Variants in DACH1 observed in about 807,000 individuals in gnomAD.
The protein encoded by DACH1 is dachshund homolog 1.
Under a neutral mutation model 54.2 loss-of-function variants are expected in DACH1, and 12 were observed. The observed-to-expected ratio is 0.22, with a 90% CI of 0.14 to 0.36. The LOEUF (loss-of-function observed/expected upper bound fraction) is 0.36, where lower values mean the gene tolerates loss of function less well. Among genes scored for constraint, DACH1 ranks in the 10% least tolerant of loss-of-function variants. The pLI, the probability that DACH1 is intolerant of heterozygous loss-of-function variation, is 1.00. For synonymous variants in DACH1, 386 were observed against 366.2 expected (o/e 1.05, Z -0.62); for missense variants, 805 against 929.8 (o/e 0.87, Z 1.75).
At chr13:71,482,860 G>A (rs1196583757) in intron 7 of DACH1, among the ~76,000 whole-genome samples, 1 of 147,448 alleles carries the variant, frequency 6.8e-6, no homozygotes, top group African/African-American at 2.5e-5. Context: ...CGTGCAAATG[G>A]CGCGATCTCG....
intron 1 of DACH1, among the ~76,000 whole-genome samples, chr13:71,864,180 T>TACACACACACACACACACACACACACAC (rs55651625): frequency 1.8e-5 from 2 of 108,426 alleles, no homozygotes; most frequent in African/African-American, 7.2e-5. Flanking sequence ...CGCGCGCACA[T>TACACACACACACACACACACACACACAC]ACACACACAC....
intron 4 of DACH1, among the ~76,000 whole-genome samples, chr13:71,570,586 T>G (rs1277086790): frequency 3.3e-5 from 5 of 152,200 alleles, no homozygotes; most frequent in Non-Finnish European, 7.3e-5. Context: ...TGTAACCAAG[T>G]TTCTGAAAAT....
rs368561792 is a variant in DACH1 at position 71,712,915 on chromosome 13, T to C, written c.849-31005A>G. On this transcript the variant is annotated intron_variant, in intron 1 of 10. Transcript: ENST00000613252. ...TGACTCTAGCAGTCACTGAATATGT[T>C]TGAGGATTGCCTACAAGTGATAATA... Among the ~76,000 whole-genome samples, 205 of 152,232 alleles carry C rather than the reference T, an allele frequency of 1.3e-3. 1 individual carries two copies. In the South Asian group the frequency reaches 0.016, roughly 12 times the overall value.
chr13:71,582,870 ATAC>A (rs2138438021), intron 3 of DACH1, among the ~76,000 whole-genome samples: 1 of 152,270 alleles, frequency 6.6e-6, no homozygotes, highest in African/African-American at 2.4e-5. Context: ...AATGGAAAGA[ATAC>A]TTAGGATCAG....
chr13:71,508,580 C>T (rs1250985980), intron 6 of DACH1, among the ~76,000 whole-genome samples: 2 of 152,004 alleles, frequency 1.3e-5, no homozygotes, highest in Non-Finnish European at 2.9e-5. Flanking sequence ...AGTCCTCCCA[C>T]CTCAGCCTCC....
At chr13:71,558,788 A>T (rs1884413123) in intron 5 of DACH1, among the ~76,000 whole-genome samples, 1 of 152,058 alleles carries the variant, frequency 6.6e-6, no homozygotes, top group Admixed American at 6.5e-5. Flanking sequence ...TTTATTTATA[A>T]TTATTTACAC....
At chr13:71,856,216 G>A (rs562154267) in intron 1 of DACH1, among the ~76,000 whole-genome samples, 258 of 152,028 alleles carry the variant, frequency 1.7e-3, no homozygotes, top group Middle Eastern at 3.4e-3. Context: ...CCTTTCCCAT[G>A]GGGTAACTTG....
chr13:71,730,647 A>G (rs1883700081), intron 1 of DACH1, among the ~76,000 whole-genome samples: 1 of 152,160 alleles, frequency 6.6e-6, no homozygotes, highest in African/African-American at 2.4e-5. Context: ...ATACAAACAC[A>G]CACTCTTCAT....
intron 2 of DACH1, among the ~76,000 whole-genome samples, chr13:71,661,210 T>C (rs1010219566): frequency 5.3e-5 from 8 of 151,404 alleles, no homozygotes; most frequent in South Asian, 2.1e-4. Context: ...TTTTGTTACA[T>C]TGTTTTATCT....
intron 1 of DACH1, among the ~76,000 whole-genome samples, chr13:71,743,709 A>G (rs1471893082): frequency 6.6e-6 from 1 of 152,208 alleles, no homozygotes; most frequent in Non-Finnish European, 1.5e-5. Flanking sequence ...CTTTATAAAT[A>G]TTAGTGTTTC....
intron 4 of DACH1, 140 bp downstream of exon 4, chr13:71,572,700 A>T: frequency 1.1e-6 from 1 of 887,208 alleles, no homozygotes; most frequent in Non-Finnish European, 1.6e-6. Flanking sequence ...GCCATTTGCT[A>T]CAAGTGATTT....
intron 1 of DACH1, among the ~76,000 whole-genome samples, chr13:71,792,779 T>G (rs1310426130): frequency 6.6e-6 from 1 of 152,154 alleles, no homozygotes; most frequent in Non-Finnish European, 1.5e-5. Context: ...CTAAGTTCTT[T>G]GCTCTCAGTG....
chr13:71,554,309 G>C (rs1884097861), intron 6 of DACH1, among the ~76,000 whole-genome samples: 1 of 152,032 alleles, frequency 6.6e-6, no homozygotes, highest in Non-Finnish European at 1.5e-5. Context: ...AAAATTTTGA[G>C]ATTACATATA....
At chr13:71,633,378 C>T (rs1278265986) in intron 2 of DACH1, among the ~76,000 whole-genome samples, 1 of 152,128 alleles carries the variant, frequency 6.6e-6, no homozygotes, top group Non-Finnish European at 1.5e-5. Context: ...AAGGCTTGGC[C>T]TCACTATAAT....
intron 1 of DACH1, among the ~76,000 whole-genome samples, chr13:71,713,186 C>T (rs1882809787): frequency 6.6e-6 from 1 of 151,714 alleles, no homozygotes; most frequent in Non-Finnish European, 1.5e-5. Context: ...TCCACGTTGA[C>T]CTAGCAGGGC....
At chr13:71,470,613 CA>C (rs1413112199) in intron 10 of DACH1, among the ~76,000 whole-genome samples, 1 of 152,110 alleles carries the variant, frequency 6.6e-6, no homozygotes, top group African/African-American at 2.4e-5. Context: ...AGTTGTAAGC[CA>C]CCGCACCCGG....
intron 7 of DACH1, 96 bp from the exon 8 acceptor site, chr13:71,479,412 C>A: frequency 8.2e-7 from 1 of 1,226,402 alleles, no homozygotes; most frequent in South Asian, 1.5e-5. Flanking sequence ...ACCCAGTGAT[C>A]AAATGACCTA....
chr13:71,570,282 C>T (rs1885118641), intron 4 of DACH1, among the ~76,000 whole-genome samples: 3 of 152,088 alleles, frequency 2.0e-5, no homozygotes, highest in South Asian at 2.1e-4. Context: ...TGCTTAGAAT[C>T]GTCTCATGCC....
intron 7 of DACH1, among the ~76,000 whole-genome samples, chr13:71,488,712 TAAAG>T (rs891303442): frequency 7.9e-5 from 12 of 151,784 alleles, no homozygotes; most frequent in African/African-American, 2.9e-4. Context: ...TAGTTGGTAA[TAAAG>T]AGAGCATTTT....
Sources: allele counts gnomAD v4.1 joint callset (sites outside exome capture counted in the v4.1 genomes callset), GRCh38; gene constraint gnomAD v4.1.1; transcripts MANE v1.5; gene names NCBI Gene and HGNC (gene_info 2026-07-23, HGNC 2026-07-21).